Variants in PRKCA observed in about 807,000 individuals in gnomAD.
PRKCA encodes protein kinase C alpha, also known as protein kinase C alpha type.
Under a neutral mutation model 87.0 loss-of-function variants are expected in PRKCA, and 27 were observed. The ratio of observed to expected loss-of-function variants is 0.31; its 90% confidence interval spans 0.23 to 0.43. PRKCA has a LOEUF of 0.43. Ranked by LOEUF, PRKCA falls within the 20% of genes least tolerant of loss-of-function variation. The pLI, the probability that PRKCA is intolerant of heterozygous loss-of-function variation, is 1.00. For missense variants in PRKCA, 518 were observed against 852.3 expected, an observed-to-expected ratio of 0.61 and a Z score of 4.88; for synonymous variants, 329 against 311.1, an observed-to-expected ratio of 1.06 and a Z score of -0.61.
chr17:66,513,726 A>G (rs1387244828), intron 3 of PRKCA, among the ~76,000 whole-genome samples: 1 of 152,234 alleles, frequency 6.6e-6, no homozygotes, highest in Non-Finnish European at 1.5e-5. Flanking sequence ...ACATGCAGCC[A>G]TTAAGAATGA....
chr17:66,497,323 C>A (rs1007700418), intron 3 of PRKCA, among the ~76,000 whole-genome samples: 2 of 151,980 alleles, frequency 1.3e-5, no homozygotes, highest in African/African-American at 4.8e-5. Context: ...CATGGAGAAA[C>A]CCTGTCTCTA....
chr17:66,632,266 T>C (rs530348634), intron 3 of PRKCA, among the ~76,000 whole-genome samples: 1 of 152,266 alleles, frequency 6.6e-6, no homozygotes, highest in South Asian at 2.1e-4. Context: ...CTCATTTTAC[T>C]TTCATGTCTG....
intron 2 of PRKCA, among the ~76,000 whole-genome samples, chr17:66,346,794 C>T (rs753753397): frequency 1.7e-4 from 26 of 151,846 alleles, no homozygotes; most frequent in Admixed American, 5.3e-4. Context: ...TTTGGGAGGC[C>T]GAGGCAAGCA....
At chr17:66,407,789 C>T (rs1170211420) in intron 2 of PRKCA, among the ~76,000 whole-genome samples, 1 of 151,732 alleles carries the variant, frequency 6.6e-6, no homozygotes, top group Non-Finnish European at 1.5e-5. Context: ...TTTTATGGTT[C>T]ATTAACAGAA....
chr17:66,748,792 A>G (rs1342309254), intron 13 of PRKCA, among the ~76,000 whole-genome samples: 3 of 152,170 alleles, frequency 2.0e-5, no homozygotes, highest in African/African-American at 7.2e-5. Context: ...AACTTGAGCC[A>G]AAGTTTCTAA....
At chr17:66,453,302 G>A (rs1039756915) in intron 2 of PRKCA, among the ~76,000 whole-genome samples, 7 of 151,980 alleles carry the variant, frequency 4.6e-5, no homozygotes, top group East Asian at 3.9e-4. Context: ...CTTGGGTCCC[G>A]TGATCCTTTT....
intron 3 of PRKCA, among the ~76,000 whole-genome samples, chr17:66,630,973 A>G (rs1345548779): frequency 1.3e-5 from 2 of 152,132 alleles, no homozygotes; most frequent in Non-Finnish European, 2.9e-5. Flanking sequence ...CAGATTGGCC[A>G]TGTGCCTTGC....
intron 14 of PRKCA, chr17:66,777,908 C>A (rs1442077905): frequency 1.0e-6 from 1 of 985,276 alleles, no homozygotes; most frequent in Non-Finnish European, 1.2e-6. Context: ...CCTCTCCAAG[C>A]CTTCCTGGGA....
At chr17:66,481,890 C>T (rs562081365) in intron 2 of PRKCA, among the ~76,000 whole-genome samples, 5 of 151,998 alleles carry the variant, frequency 3.3e-5, no homozygotes, top group East Asian at 1.9e-4. Flanking sequence ...ATCACAAGGT[C>T]GGGAGTTCAA....
chr17:66,397,444 G>A (rs1910762227), intron 2 of PRKCA, among the ~76,000 whole-genome samples: 1 of 151,946 alleles, frequency 6.6e-6, no homozygotes, highest in Non-Finnish European at 1.5e-5. Context: ...TTGTTAGATG[G>A]TGGATGTGTC....
rs1026618111 is a variant in PRKCA at position 66,654,815 on chromosome 17, C to A, written c.529+9304C>A. Among the ~76,000 whole-genome samples, 17 of 152,180 alleles carry A rather than the reference C, an allele frequency of 1.1e-4. 1 individual carries two copies. The highest frequency in any genetic ancestry group is 2.9e-5 in the Non-Finnish European group (2 of 68,038). On this transcript the variant is annotated intron_variant, in intron 5 of 16. Transcript: ENST00000413366. ...GGAAATAAAAATGGCAGCAGGGAAT[C>A]TGGGTGAAGTCTTCTGTGCTGGAAA...
chr17:66,784,887 G>T (rs1975340333), intron 14 of PRKCA, among the ~76,000 whole-genome samples: 1 of 152,148 alleles, frequency 6.6e-6, no homozygotes, highest in Non-Finnish European at 1.5e-5. Context: ...CTGCCCTGGG[G>T]GCCTCTCAGG....
intron 3 of PRKCA, among the ~76,000 whole-genome samples, chr17:66,620,754 A>C (rs1321448243): frequency 6.6e-6 from 1 of 152,202 alleles, no homozygotes; most frequent in Non-Finnish European, 1.5e-5. Flanking sequence ...AGTCCACAGA[A>C]AGTGTACATT....
chr17:66,438,372 G>A (rs1237530867), intron 2 of PRKCA, among the ~76,000 whole-genome samples: 2 of 152,048 alleles, frequency 1.3e-5, no homozygotes, highest in Non-Finnish European at 2.9e-5. Flanking sequence ...GTCTGGACAC[G>A]TGCCCTTGTG....
intron 15 of PRKCA, among the ~76,000 whole-genome samples, chr17:66,787,589 A>C (rs184512686): frequency 4.4e-4 from 67 of 152,324 alleles, no homozygotes; most frequent in Admixed American, 2.2e-3. Flanking sequence ...AATTGGCACA[A>C]ATCATCAATA....
At chr17:66,699,882 A>C (rs1255381539) in intron 8 of PRKCA, among the ~76,000 whole-genome samples, 1 of 152,232 alleles carries the variant, frequency 6.6e-6, no homozygotes, top group Non-Finnish European at 1.5e-5. Flanking sequence ...CAAACATTTA[A>C]ATAAGAATTA....
rs1370257922 is a variant in PRKCA, at chr17:66,808,005, C to G, written c.*3968C>G. 1 of 152,170 alleles carries G rather than the reference C, an allele frequency of 6.6e-6. No individual in the cohort carries two copies. Among genetic ancestry groups the G allele is most frequent in the Admixed American group, 6.5e-5 (1 of 15,276 alleles). 9.4% of individuals were successfully genotyped at this position (152,170 alleles called of 1,614,324 possible). On this transcript the variant is annotated 3_prime_UTR_variant, in exon 17 of 17. Coordinates refer to ENST00000413366, the MANE Select transcript of PRKCA (RefSeq NM_002737.3). ...CCTCAAGAGAGTGTTTTGCCAGGGA[C>G]ACAGTCTGTTCCTCCTCAGAAAACA...
intron 8 of PRKCA, among the ~76,000 whole-genome samples, chr17:66,716,431 C>T (rs776894025): frequency 2.0e-5 from 3 of 152,152 alleles, no homozygotes; most frequent in Non-Finnish European, 4.4e-5. Context: ...GCATCAGACG[C>T]AAGTGTGCCA....
At chr17:66,617,251 C>T (rs187257288) in intron 3 of PRKCA, among the ~76,000 whole-genome samples, 3 of 152,182 alleles carry the variant, frequency 2.0e-5, no homozygotes, top group East Asian at 1.9e-4. Context: ...TTTTGACCTA[C>T]CTCGGTATGG....
Sources: allele counts gnomAD v4.1 joint callset (sites outside exome capture counted in the v4.1 genomes callset), GRCh38; gene constraint gnomAD v4.1.1; transcripts MANE v1.5; gene names NCBI Gene and HGNC (gene_info 2026-07-23, HGNC 2026-07-21).